Variants in ETS1 observed in about 807,000 individuals in gnomAD.
ETS1 encodes the protein ETS proto-oncogene 1, transcription factor.
In ETS1, 15 loss-of-function variants were observed where a neutral mutation model predicts 58.6. That is an observed-to-expected ratio of 0.26 (90% confidence interval 0.17 to 0.39). The LOEUF (loss-of-function observed/expected upper bound fraction) is 0.39, where lower values mean the gene tolerates loss of function less well. ETS1 is among the 10% of genes least tolerant of loss of function. The probability of loss-of-function intolerance (pLI) is 1.00; values close to 1 mark genes in which losing one functional copy is unlikely to be tolerated. For missense variants in ETS1, 417 were observed against 610.5 expected (o/e 0.68, Z 3.34); for synonymous variants, 214 against 218.2 (o/e 0.98, Z 0.17).
chr11:128,475,644 T>A (rs771122003), intron 8 of ETS1, among the ~76,000 whole-genome samples: 19 of 143,288 alleles, frequency 1.3e-4, no homozygotes, highest in Admixed American at 1.2e-3. Context: ...CTCCGCCTCC[T>A]GGGTTCACAG....
chr11:128,525,619 GAAAAAAAA>G (rs10554000), intron 3 of ETS1, among the ~76,000 whole-genome samples: 25 of 75,818 alleles, frequency 3.3e-4, no homozygotes, highest in Admixed American at 2.6e-3. Flanking sequence ...GTAAGATTTA[GAAAAAAAA>G]AAAAAAAAAA....
intron 1 of ETS1, among the ~76,000 whole-genome samples, chr11:128,577,378 G>T (rs1450548619): frequency 6.6e-6 from 1 of 152,162 alleles, no homozygotes; most frequent in Non-Finnish European, 1.5e-5. Context: ...CACCGCATAT[G>T]AATAGCAGCG....
chr11:128,495,338 T>C (rs1862910968), intron 3 of ETS1, among the ~76,000 whole-genome samples: 1 of 152,234 alleles, frequency 6.6e-6, no homozygotes, highest in South Asian at 2.1e-4. Flanking sequence ...TTTCCTTTCT[T>C]ATTTTGAAAG....
intron 1 of ETS1, among the ~76,000 whole-genome samples, chr11:128,584,618 A>G (rs1231464692): frequency 1.3e-5 from 2 of 152,192 alleles, no homozygotes; most frequent in African/African-American, 2.4e-5. Context: ...AATGGATATG[A>G]TAACTAGAAA....
chr11:128,466,063 C>T (rs1862025480), intron 8 of ETS1, among the ~76,000 whole-genome samples: 1 of 152,210 alleles, frequency 6.6e-6, no homozygotes, highest in African/African-American at 2.4e-5. Context: ...ACTTGAAAAA[C>T]TCTCTCCCCT....
At chr11:128,578,603 A>G (rs1864799668) in intron 1 of ETS1, among the ~76,000 whole-genome samples, 1 of 152,210 alleles carries the variant, frequency 6.6e-6, no homozygotes, top group African/African-American at 2.4e-5. Flanking sequence ...CTCACCATGT[A>G]GAGATAATTA....
chr11:128,585,074 A>G (rs202098884), intron 1 of ETS1, among the ~76,000 whole-genome samples: 21 of 13,376 alleles, frequency 1.6e-3, no homozygotes, highest in African/African-American at 2.5e-3. Context: ...GAAAGAAAGA[A>G]AGAGAAAGAA....
intron 2 of ETS1, among the ~76,000 whole-genome samples, chr11:128,562,270 G>A (rs982768055): frequency 5.9e-5 from 9 of 152,184 alleles, no homozygotes; most frequent in Admixed American, 2.0e-4. Context: ...TTAGCCAGGC[G>A]TGGTGGTAGG....
At chr11:128,516,808 C>T (rs976822429) in intron 3 of ETS1, among the ~76,000 whole-genome samples, 5 of 152,140 alleles carry the variant, frequency 3.3e-5, no homozygotes, top group African/African-American at 1.2e-4. Context: ...TCTCTGCAAG[C>T]AGGATAATTA....
chr11:128,558,987 A>G (rs960832630), intron 2 of ETS1, among the ~76,000 whole-genome samples: 5 of 152,196 alleles, frequency 3.3e-5, no homozygotes, highest in African/African-American at 1.2e-4. Flanking sequence ...GTCTTGAGTG[A>G]GAAAATTTTG....
At chr11:128,472,875 G>A (rs940993735) in intron 8 of ETS1, among the ~76,000 whole-genome samples, 2 of 151,974 alleles carry the variant, frequency 1.3e-5, no homozygotes, top group South Asian at 2.1e-4. Flanking sequence ...TGCTCCTTCC[G>A]TAAACATCTT....
chr11:128,561,461 T>C (rs1460595022), intron 2 of ETS1, among the ~76,000 whole-genome samples: 1 of 152,244 alleles, frequency 6.6e-6, no homozygotes, highest in East Asian at 1.9e-4. Context: ...AATTCTGATT[T>C]TTCAAAGATA....
At chr11:128,536,505 A>G (rs1328748803) in intron 3 of ETS1, 2 of 152,238 alleles carry the variant, frequency 1.3e-5, no homozygotes, top group East Asian at 3.8e-4. Context: ...AGAATTCAAT[A>G]CATTGGGTAA....
Position 128,484,866 on chromosome 11 carries a change from T to G in ETS1, c.819A>C (p.Glu273Asp). The change falls in exon 7 of 10, where the codon GAA (glutamate) becomes GAC (aspartate). Residue 273 changes from glutamate (E) to aspartate (D), a missense_variant. By Grantham distance (45) the Glu-to-Asp change is conservative (BLOSUM62 2). This residue lies in a region of ETS1 where 139 missense variants were observed against 152.1 expected (regional missense o/e 0.91). Coordinates refer to ENST00000392668, the MANE Select transcript of ETS1 (RefSeq NM_001143820.2). Reference protein sequence around the residue: ...LQNDYFAIKQEVVTPDNMCMG... With the variant: ...LQNDYFAIKQDVVTPDNMCMG... Reference sequence around the variant, plus strand: ...TGCACATGTTGTCTGGGGTGACGACTTCTTGTTTGATAGCAAAGTAGTCAT... The same window carrying G: ...TGCACATGTTGTCTGGGGTGACGACGTCTTGTTTGATAGCAAAGTAGTCAT... 6.2e-7 allele frequency: 1 copy of G among 1,614,112 alleles called. No individual in the cohort carries two copies.
chr11:128,582,079 G>C (rs1341986195), intron 1 of ETS1, among the ~76,000 whole-genome samples: 2 of 152,172 alleles, frequency 1.3e-5, no homozygotes, highest in African/African-American at 4.8e-5. Flanking sequence ...CAGCTTGCTA[G>C]CATTCTTATA....
chr11:128,565,058 A>AAATAAATAAATAAATAAAAT (rs374454292), intron 2 of ETS1, among the ~76,000 whole-genome samples: 28 of 142,854 alleles, frequency 2.0e-4, no homozygotes, highest in South Asian at 6.7e-4. Flanking sequence ...ATAAATAAAT[A>AAATAAATAAATAAATAAAAT]AAATAAATGT....
intron 7 of ETS1, among the ~76,000 whole-genome samples, chr11:128,483,567 C>T (rs1862546635): frequency 6.6e-6 from 1 of 152,222 alleles, no homozygotes; most frequent in Non-Finnish European, 1.5e-5. Flanking sequence ...ACTGGTCCCA[C>T]CCATCCCCTT....
chr11:128,568,858 G>A (rs1197177268), intron 2 of ETS1, among the ~76,000 whole-genome samples: 3 of 152,162 alleles, frequency 2.0e-5, no homozygotes, highest in Non-Finnish European at 4.4e-5. Context: ...TCCTATTTTC[G>A]AAGAGATTGT....
intron 3 of ETS1, among the ~76,000 whole-genome samples, chr11:128,525,369 A>G (rs1863780886): frequency 6.6e-6 from 1 of 152,166 alleles, no homozygotes; most frequent in South Asian, 2.1e-4. Context: ...CCCAACTTCA[A>G]TAAAAAAGAA....
Sources: gnomAD v4.1 joint callset for allele counts (sites outside exome capture counted in the v4.1 genomes callset) on GRCh38, gnomAD v4.1.1 for gene constraint, gnomAD v4.1.1 regional missense constraint, MANE v1.5 for transcripts, NCBI Gene and HGNC (gene_info 2026-07-23, HGNC 2026-07-21) for gene names.